Variants in HSF2BP observed in about 807,000 individuals in gnomAD.
HSF2BP encodes heat shock transcription factor 2 binding protein.
Under a neutral mutation model 35.0 loss-of-function variants are expected in HSF2BP, and 35 were observed. The ratio of observed to expected loss-of-function variants is 1.00; its 90% CI spans 0.76 to 1.32. The LOEUF is 1.32. Among genes scored for constraint, HSF2BP ranks in the 40% most tolerant of loss-of-function variants. The probability of loss-of-function intolerance (pLI) is 0.00; values close to 1 mark genes in which losing one functional copy is unlikely to be tolerated. For synonymous variants in HSF2BP, 114 were observed against 117.4 expected (o/e 0.97, Z 0.18); for missense variants, 326 against 321.7 (o/e 1.01, Z -0.10).
At chr21:43,624,130 G>T (rs757983464) in intron 6 of HSF2BP, among the ~76,000 whole-genome samples, 12 of 152,168 alleles carry the variant, frequency 7.9e-5, no homozygotes, top group Non-Finnish European at 1.6e-4. Flanking sequence ...ATTCCACCCC[G>T]AGGTAGATAC....
chr21:43,658,256 A>AGGAGT lies in HSF2BP; in HGVS notation c.-165_-161dup. 1 of 824,056 alleles carries AGGAGT rather than the reference A, an allele frequency of 1.2e-6. No homozygotes were observed. The highest frequency in any genetic ancestry group is 1.8e-6 in the Non-Finnish European group (1 of 552,968). 51.0% of individuals were successfully genotyped at this position (824,056 alleles called of 1,614,324 possible). A position where few individuals can be genotyped will look rare whatever the true frequency, so the allele number is the denominator to read the frequency against. ...CGCAGTATTCTCGGCCTAGAGAGCG[A>AGGAGT]GGAGTGGCCTTGGCGAGGTCCCTCT... On this transcript the variant is annotated 5_prime_UTR_variant, in exon 2 of 9. Coordinates refer to ENST00000291560, the MANE Select transcript of HSF2BP (RefSeq NM_007031.2).
intron 4 of HSF2BP, among the ~76,000 whole-genome samples, chr21:43,643,311 AAC>A (rs2082664298): frequency 6.6e-6 from 1 of 151,944 alleles, no homozygotes; most frequent in Non-Finnish European, 1.5e-5. Flanking sequence ...TCCCCCTGCA[AAC>A]TCATGTTGAA....
chr21:43,611,634 G>C (rs926917351), intron 7 of HSF2BP, among the ~76,000 whole-genome samples: 4 of 152,224 alleles, frequency 2.6e-5, no homozygotes, highest in African/African-American at 9.6e-5. Context: ...GAGGCTCAAG[G>C]AGTGGGAAAG....
At chr21:43,604,550 ACC>A (rs568727764) in intron 7 of HSF2BP, among the ~76,000 whole-genome samples, 2,707 of 140,622 alleles carry the variant, frequency 0.019, 48 homozygotes, top group Non-Finnish European at 0.028. Context: ...CACCATACAC[ACC>A]CCACACACAT....
chr21:43,653,349 C>T (rs2082822387), intron 3 of HSF2BP, among the ~76,000 whole-genome samples: 1 of 151,872 alleles, frequency 6.6e-6, no homozygotes. Flanking sequence ...GAATAATCAG[C>T]CAGGGAGATA....
rs533206813 is a variant in HSF2BP, at chr21:43,603,864, C to T, written c.692+9966G>A. Reference sequence around the variant, plus strand: ...CACAGAGGCTGAGTCACAACAATGTCCCATGTACAACCCTATGAATGTTTG... The same window carrying T: ...CACAGAGGCTGAGTCACAACAATGTTCCATGTACAACCCTATGAATGTTTG... On this transcript the variant is annotated intron_variant, in intron 7 of 8. Transcript: ENST00000291560. 5.8e-4 allele frequency among the ~76,000 whole-genome samples: 88 copies of T among 152,266 alleles called. No individual in the cohort carries two copies. In the Middle Eastern group the frequency reaches 0.01, roughly 18 times the overall value.
At chr21:43,639,098 A>AG (rs1455281876) in intron 4 of HSF2BP, among the ~76,000 whole-genome samples, 1 of 152,238 alleles carries the variant, frequency 6.6e-6, no homozygotes, top group Non-Finnish European at 1.5e-5. Context: ...GATAAGCCAA[A>AG]GAAAAAAATA....
At chr21:43,630,870 C>T (rs1196181404) in intron 5 of HSF2BP, among the ~76,000 whole-genome samples, 1 of 152,114 alleles carries the variant, frequency 6.6e-6, no homozygotes, top group Non-Finnish European at 1.5e-5. Flanking sequence ...AGACTGGCTC[C>T]TCTGGTAGTT....
At chr21:43,590,707 A>C (rs2081914756) in intron 8 of HSF2BP, among the ~76,000 whole-genome samples, 1 of 152,234 alleles carries the variant, frequency 6.6e-6, no homozygotes, top group African/African-American at 2.4e-5. Context: ...ATCAACATGG[A>C]TGGATCTCAA....
chr21:43,615,536 A>G (rs1274756896), intron 6 of HSF2BP, among the ~76,000 whole-genome samples: 21 of 152,322 alleles, frequency 1.4e-4, no homozygotes, highest in Non-Finnish European at 1.3e-4. Flanking sequence ...GGGATAGTAA[A>G]GTCTACTAAA....
intron 7 of HSF2BP, among the ~76,000 whole-genome samples, chr21:43,606,268 C>T (rs1601656771): frequency 6.6e-6 from 1 of 152,168 alleles, no homozygotes; most frequent in East Asian, 1.9e-4. Context: ...TCCGTGCACA[C>T]AAGAAAGCTT....
intron 4 of HSF2BP, among the ~76,000 whole-genome samples, chr21:43,635,167 A>G (rs2082535181): frequency 6.6e-6 from 1 of 152,234 alleles, no homozygotes; most frequent in African/African-American, 2.4e-5. Context: ...CAAGACCTAT[A>G]CAATGAAAAC....
chr21:43,628,671 T>C (rs2082417811), intron 6 of HSF2BP, among the ~76,000 whole-genome samples: 1 of 152,238 alleles, frequency 6.6e-6, no homozygotes, highest in African/African-American at 2.4e-5. Context: ...ATTTTCAATG[T>C]AGACAAAGTC....
At position 43,633,178 on chromosome 21, in the gene HSF2BP, T is replaced by C. The variant is rs1259906857; in HGVS notation, c.441+94A>G. On this transcript the variant is annotated intron_variant, in intron 5 of 8. Coordinates refer to ENST00000291560, the MANE Select transcript of HSF2BP (RefSeq NM_007031.2). ...GTGAACAAAAGAAAATGGAAAGATATGGACTTAGTCTTTAAATGCCTTAAT... is the reference window on the plus strand; with the variant it reads ...GTGAACAAAAGAAAATGGAAAGATACGGACTTAGTCTTTAAATGCCTTAAT... 1.4e-5 allele frequency: 18 copies of C among 1,326,958 alleles called. 1 individual carries two copies. Among genetic ancestry groups the C allele is most frequent in the South Asian group, 3.1e-5 (2 of 65,152 alleles). 82.2% of individuals were successfully genotyped at this position (1,326,958 alleles called of 1,614,324 possible).
At chr21:43,654,141 C>A (rs1223822763) in intron 3 of HSF2BP, among the ~76,000 whole-genome samples, 1 of 152,116 alleles carries the variant, frequency 6.6e-6, no homozygotes, top group Admixed American at 6.5e-5. Flanking sequence ...GACAATGCAA[C>A]TGTAAAGTGT....
chr21:43,613,746 CTG>C (rs1223891908), intron 7 of HSF2BP, 82 bp downstream of exon 7: 4 of 911,954 alleles, frequency 4.4e-6, no homozygotes, highest in East Asian at 2.4e-5. Context: ...CCAAAATTAA[CTG>C]TGTTTACTTG....
At chr21:43,658,667 C>G (rs2082915898) in intron 1 of HSF2BP, among the ~76,000 whole-genome samples, 1 of 152,246 alleles carries the variant, frequency 6.6e-6, no homozygotes, top group Non-Finnish European at 1.5e-5. Flanking sequence ...TTTAGATGAA[C>G]CCAAAGCTAA....
At chr21:43,633,463 A>C in intron 4 of HSF2BP, 42 bp from the exon 5 acceptor site, 1 of 1,492,132 alleles carries the variant, frequency 6.7e-7, no homozygotes, top group Non-Finnish European at 9.1e-7. Flanking sequence ...ATAGCATTCA[A>C]CCTTGATATA....
intron 8 of HSF2BP, among the ~76,000 whole-genome samples, chr21:43,579,490 T>C (rs765141757): frequency 1.3e-5 from 2 of 152,242 alleles, no homozygotes; most frequent in Non-Finnish European, 2.9e-5. Context: ...AGCCACAGTG[T>C]ATTTTGAAGT....
Sources: gnomAD v4.1 joint callset for allele counts (sites outside exome capture counted in the v4.1 genomes callset) on GRCh38, gnomAD v4.1.1 for gene constraint, MANE v1.5 for transcripts, NCBI Gene and HGNC (gene_info 2026-07-23, HGNC 2026-07-21) for gene names.